Variants in LTBP2 observed in about 807,000 individuals in gnomAD.
LTBP2 encodes the protein latent-transforming growth factor beta-binding protein 2.
A neutral mutation model predicts 210.6 loss-of-function variants in LTBP2; 103 were observed. That is an observed-to-expected ratio of 0.49 (90% CI 0.42 to 0.58). The LOEUF (loss-of-function observed/expected upper bound fraction) is 0.58. Ranked by LOEUF, LTBP2 falls within the 20% of genes least tolerant of loss-of-function variation. The pLI is 0.00. For synonymous variants in LTBP2, 1,007 were observed against 1,015.0 expected (o/e 0.99, Z 0.15); for missense variants, 2,313 against 2,494.5 (o/e 0.93, Z 1.55).
Position 74,611,596 on chromosome 14 carries a change from G to T in LTBP2, c.349C>A (p.Pro117Thr). The part of the protein sequence containing the change: ...SRAQQSRRVQ[P>T]PAQTRRSTPL... The stretch of plus-strand genomic sequence containing the variant: ...GTGCTTCTCCGGGTCTGCGCAGGTG[G>T]CTGGACACGCCGCGACTGCTGCGCG... Residue 117 changes from proline (P) to threonine (T), a missense_variant, in exon 1 of 36, where the codon CCA becomes ACA. This residue lies in a region of LTBP2 where 1,867 missense variants were observed against 1,976.9 expected (regional missense o/e 0.94). Coordinates refer to ENST00000261978, the MANE Select transcript of LTBP2 (RefSeq NM_000428.3). 1 of 1,571,300 alleles carries T rather than the reference G, an allele frequency of 6.4e-7. No individual in the cohort carries two copies. Among genetic ancestry groups the T allele is most frequent in the Non-Finnish European group, 8.6e-7 (1 of 1,164,908 alleles).
chr14:74,523,808 G>A (rs780188023), intron 15 of LTBP2, among the ~76,000 whole-genome samples: 12 of 151,708 alleles, frequency 7.9e-5, no homozygotes, highest in Non-Finnish European at 1.2e-4. Flanking sequence ...TCCCTGCCCC[G>A]CCCCCATAGC....
chr14:74,601,224 C>T (rs987943401), intron 2 of LTBP2, among the ~76,000 whole-genome samples: 5 of 152,086 alleles, frequency 3.3e-5, no homozygotes, highest in African/African-American at 7.2e-5. Context: ...AGCAAGTCAC[C>T]GCCTCTCTGA....
chr14:74,524,181 C>T (rs988339309), intron 15 of LTBP2, among the ~76,000 whole-genome samples: 1 of 152,130 alleles, frequency 6.6e-6, no homozygotes, highest in African/African-American at 2.4e-5. Context: ...GTCCATTTTC[C>T]TTGTCAGAAA....
At chr14:74,510,738 G>A (rs1259918654) in intron 19 of LTBP2, among the ~76,000 whole-genome samples, 1 of 152,260 alleles carries the variant, frequency 6.6e-6, no homozygotes, top group Admixed American at 6.5e-5. Flanking sequence ...TCAACACTCA[G>A]TCCCTCCCAG....
intron 3 of LTBP2, among the ~76,000 whole-genome samples, chr14:74,577,195 T>TA (rs1285237796): frequency 1.3e-5 from 2 of 151,882 alleles, no homozygotes; most frequent in South Asian, 2.1e-4. Context: ...AAAAAAAGGC[T>TA]AAAAAAAGAA....
chr14:74,573,071 G>A (rs1173103695), intron 3 of LTBP2, among the ~76,000 whole-genome samples: 3 of 152,160 alleles, frequency 2.0e-5, no homozygotes, highest in Non-Finnish European at 2.9e-5. Context: ...GGCTCTCACC[G>A]ACTTCTGTAG....
Position 74,511,346 on chromosome 14 carries a change from T to C in LTBP2, c.2927A>G (p.His976Arg), listed in dbSNP as rs1351635011. 3 of 1,614,036 alleles carry C rather than the reference T, an allele frequency of 1.9e-6. No individual in the cohort carries two copies. The highest frequency in any genetic ancestry group is 3.3e-5 in the Admixed American group (2 of 60,024). Residue 976 changes from histidine to arginine, a missense_variant, in exon 19 of 36, where the codon CAC (histidine) becomes CGC (arginine). Transcript: ENST00000261978. ...GHCQDINECR[H>R]PGTCPDGRCV... ...TCTCCCATCAGGGCAGGTACCGGGG[T>C]GACGGCATTCGTTGATATCTGCAAA...
intron 17 of LTBP2, among the ~76,000 whole-genome samples, chr14:74,520,018 T>G (rs1852319461): frequency 6.6e-6 from 1 of 152,214 alleles, no homozygotes; most frequent in Non-Finnish European, 1.5e-5. Flanking sequence ...GCTCACAGAC[T>G]TCTACTGGCT....
intron 26 of LTBP2, 74 bp downstream of exon 26, chr14:74,507,105 A>G: frequency 6.2e-7 from 1 of 1,612,116 alleles, no homozygotes; most frequent in Non-Finnish European, 8.5e-7. Context: ...TCAGGAGAAA[A>G]TCATGTCTCG....
chr14:74,510,061 C>T (rs373181724), intron 20 of LTBP2, 30 bp downstream of exon 20: 44 of 1,613,642 alleles, frequency 2.7e-5, no homozygotes, highest in East Asian at 8.9e-5. Context: ...GATCGGCCTG[C>T]GGAGAAGGGG....
chr14:74,547,793 A>AC (rs1046365324), intron 8 of LTBP2, among the ~76,000 whole-genome samples: 1 of 151,432 alleles, frequency 6.6e-6, no homozygotes, highest in African/African-American at 2.4e-5. Context: ...AGGGAGAGAG[A>AC]CCCCCACCCA....
At chr14:74,516,672 C>T in intron 18 of LTBP2, 150 bp downstream of exon 18, 2 of 1,082,674 alleles carry the variant, frequency 1.8e-6, no homozygotes, top group Non-Finnish European at 2.7e-6. Context: ...CTCAGGAATT[C>T]TCATAGGTGT....
intron 1 of LTBP2, among the ~76,000 whole-genome samples, chr14:74,609,449 C>A (rs545643614): frequency 1.3e-3 from 196 of 152,212 alleles, no homozygotes; most frequent in Non-Finnish European, 2.4e-3. Flanking sequence ...TCCCCACCTT[C>A]CCCCGCACCT....
At chr14:74,595,850 C>T (rs2088352907) in intron 2 of LTBP2, among the ~76,000 whole-genome samples, 2 of 152,148 alleles carry the variant, frequency 1.3e-5, no homozygotes, top group African/African-American at 4.8e-5. Flanking sequence ...GAGAGACTGT[C>T]CTTTTGGGGC....
At chr14:74,550,898 T>A (rs1186518863) in intron 7 of LTBP2, among the ~76,000 whole-genome samples, 166 bp downstream of exon 7, 2 of 152,210 alleles carry the variant, frequency 1.3e-5, no homozygotes, top group African/African-American at 4.8e-5. Flanking sequence ...AGACTCTCCA[T>A]ACATGGACAA....
At position 74,612,109 on chromosome 14, in the gene LTBP2, G is replaced by T. The variant is rs955558048; in HGVS notation, c.-165C>A. ...CTGGGGGCCCGGCTCTCGGCGGAAC[G>T]AGGGCTGCGCGCCCCGAGCCTCGAG... On this transcript the variant is annotated 5_prime_UTR_variant, in exon 1 of 36. Transcript: ENST00000261978. 3 of 695,640 alleles carry T rather than the reference G, an allele frequency of 4.3e-6. No homozygotes were observed. In the African/African-American group the frequency reaches 5.8e-5, roughly 13 times the overall value. The allele number at this position is 695,640 out of a possible 1,614,324, so 43.1% of individuals were successfully genotyped here.
intron 8 of LTBP2, among the ~76,000 whole-genome samples, chr14:74,537,202 G>GA (rs11405621): frequency 0.29 from 44,477 of 150,788 alleles, 7,064 homozygotes; most frequent in Middle Eastern, 0.37. Flanking sequence ...ATAAAAACAG[G>GA]AAAAAAATCT....
At chr14:74,536,085 A>T in intron 8 of LTBP2, 85 bp from the exon 9 acceptor site, 4 of 1,170,120 alleles carry the variant, frequency 3.4e-6, no homozygotes, top group Non-Finnish European at 3.8e-6. Context: ...TGCAGTCTGG[A>T]TGTCCAGCCC....
chr14:74,504,648 T>G (rs2086958864), intron 30 of LTBP2, 130 bp downstream of exon 30: 1 of 848,368 alleles, frequency 1.2e-6, no homozygotes, highest in South Asian at 1.4e-5. Context: ...GAGTCAGCCC[T>G]GGGACAGAAA....
Sources: gnomAD v4.1 joint callset for allele counts (sites outside exome capture counted in the v4.1 genomes callset) on GRCh38, gnomAD v4.1.1 for gene constraint, gnomAD v4.1.1 regional missense constraint, MANE v1.5 for transcripts, NCBI Gene and HGNC (gene_info 2026-07-23, HGNC 2026-07-21) for gene names.